The following MSH4 variants were observed in gnomAD, a reference collection of about 807,000 sequenced individuals.
The protein encoded by MSH4 is mutS protein homolog 4.
Under a neutral mutation model 113.7 loss-of-function variants are expected in MSH4, and 106 were observed. That is an observed-to-expected ratio of 0.93 (90% CI 0.80 to 1.10). MSH4 has a LOEUF of 1.10. Among genes scored for constraint, MSH4 ranks in the 50% least tolerant of loss-of-function variants. MSH4 has a pLI of 0.00. For missense variants in MSH4, 1,061 were observed against 1,093.7 expected (o/e 0.97, Z 0.42); for synonymous variants, 368 against 380.2 (o/e 0.97, Z 0.37).
In MSH4 at chr1:75,912,676, T is replaced by TATA. The variant is rs534222707; in HGVS notation, c.2620-20_2620-19insATA. ...GGTATTTGTGTATATATATATATAT[T>TATA]TTTTTTTTTTCAATGACAGCAAAAC... On this transcript the variant is annotated intron_variant, in intron 19 of 19. Coordinates refer to ENST00000263187, the MANE Select transcript of MSH4 (RefSeq NM_002440.4). 63 of 950,244 alleles carry TATA rather than the reference T, an allele frequency of 6.6e-5. No homozygotes were observed. Among genetic ancestry groups the TATA allele is most frequent in the East Asian group, 2.2e-4 (6 of 27,224 alleles). 58.9% of individuals were successfully genotyped at this position (950,244 alleles called of 1,614,324 possible). A position where few individuals can be genotyped will look rare whatever the true frequency, so the allele number is the denominator to read the frequency against.
chr1:75,854,009 G>GTA (rs1401266837), intron 8 of MSH4, among the ~76,000 whole-genome samples: 61 of 50,668 alleles, frequency 1.2e-3, no homozygotes, highest in African/African-American at 2.8e-3. Context: ...ATAAGTGTGT[G>GTA]TGTGTATATA....
rs1571005065 is a variant in MSH4 at position 75,909,398 on chromosome 1, C to T, written c.2620-3298C>T. Among the ~76,000 whole-genome samples, 3 of 151,848 alleles carry T rather than the reference C, an allele frequency of 2.0e-5. No individual in the cohort carries two copies. The South Asian group carries it at 6.3e-4, about 32-fold the overall frequency. On this transcript the variant is annotated intron_variant, in intron 19 of 19. Coordinates refer to ENST00000263187, the MANE Select transcript of MSH4 (RefSeq NM_002440.4). ...TGTTAATCTGTGCTCCAGATATTTG[C>T]TTTTGGTTCTCTGTGGGGAGAGCAA... is the stretch of plus-strand genomic sequence containing the variant.
intron 19 of MSH4, among the ~76,000 whole-genome samples, chr1:75,909,833 T>C (rs1652750124): frequency 6.6e-6 from 1 of 152,144 alleles, no homozygotes; most frequent in Non-Finnish European, 1.5e-5. Context: ...GTCATCTTGA[T>C]GAGTTCTTGA....
In MSH4 at chr1:75,822,585, A is replaced by C; in HGVS notation, c.1162+4A>C. 7.2e-7 allele frequency: 1 copy of C among 1,395,338 alleles called. No individual in the cohort carries two copies. Among genetic ancestry groups the C allele is most frequent in the Non-Finnish European group, 9.6e-7 (1 of 1,040,480 alleles). 86.4% of individuals were successfully genotyped at this position (1,395,338 alleles called of 1,614,324 possible). On this transcript the variant is annotated splice_donor_region_variant and intron_variant, in intron 7 of 19. Coordinates refer to ENST00000263187, the MANE Select transcript of MSH4 (RefSeq NM_002440.4). ...CTATTTTTTGGACTTCAATCAGGTA[A>C]ATCAATATTATTTAATATTATAAAT...
chr1:75,823,015 A>G (rs887773548), intron 7 of MSH4, among the ~76,000 whole-genome samples: 7 of 152,120 alleles, frequency 4.6e-5, no homozygotes, highest in African/African-American at 1.4e-4. Flanking sequence ...ACAGTTCTGG[A>G]AGCTAGAAAC....
At chr1:75,813,124 C>T (rs1410982819) in intron 4 of MSH4, among the ~76,000 whole-genome samples, 1 of 152,136 alleles carries the variant, frequency 6.6e-6, no homozygotes, top group African/African-American at 2.4e-5. Context: ...GCTTAGCTAA[C>T]CCAGAGGGAA....
At chr1:75,876,522 A>G (rs987748419) in intron 9 of MSH4, among the ~76,000 whole-genome samples, 2 of 152,104 alleles carry the variant, frequency 1.3e-5, no homozygotes, top group African/African-American at 2.4e-5. Context: ...TTTTTACTAT[A>G]TAAGAATTGA....
chr1:75,908,950 T>G (rs2100598804), intron 19 of MSH4, among the ~76,000 whole-genome samples: 1 of 152,330 alleles, frequency 6.6e-6, no homozygotes, highest in Middle Eastern at 3.4e-3. Context: ...CTGTGGCATC[T>G]GCTTCCTCTA....
intron 1 of MSH4, 74 bp from the exon 2 acceptor site, chr1:75,803,657 A>G: frequency 2.8e-6 from 3 of 1,075,022 alleles, no homozygotes; most frequent in Non-Finnish European, 3.8e-6. Flanking sequence ...TGAACATGGT[A>G]TAAATTATAA....
At chr1:75,900,848 C>T (rs1461025304) in intron 19 of MSH4, among the ~76,000 whole-genome samples, 3 of 152,134 alleles carry the variant, frequency 2.0e-5, no homozygotes, top group Non-Finnish European at 2.9e-5. Flanking sequence ...TATTACCTAA[C>T]TCTTTAGAGT....
At chr1:75,854,928 T>A (rs1258039891) in intron 8 of MSH4, among the ~76,000 whole-genome samples, 1 of 152,228 alleles carries the variant, frequency 6.6e-6, no homozygotes, top group Non-Finnish European at 1.5e-5. Flanking sequence ...TCTTAAATAC[T>A]TAACAGTTTT....
intron 4 of MSH4, among the ~76,000 whole-genome samples, chr1:75,813,979 T>C (rs1001965141): frequency 7.9e-5 from 12 of 152,280 alleles, no homozygotes; most frequent in African/African-American, 2.9e-4. Flanking sequence ...TTACTTGACT[T>C]TTCAGAATTT....
At chr1:75,873,227 T>C (rs1651751392) in intron 9 of MSH4, among the ~76,000 whole-genome samples, 3 of 152,282 alleles carry the variant, frequency 2.0e-5, no homozygotes, top group Admixed American at 2.0e-4. Context: ...TGGATGATGA[T>C]TGAAATATTT....
At chr1:75,832,853 G>A (rs1234533616) in intron 7 of MSH4, among the ~76,000 whole-genome samples, 1 of 152,216 alleles carries the variant, frequency 6.6e-6, no homozygotes, top group East Asian at 1.9e-4. Flanking sequence ...AAAACTGGAA[G>A]CATTCCCTTG....
intron 7 of MSH4, among the ~76,000 whole-genome samples, chr1:75,847,344 C>T (rs1334941967): frequency 6.6e-6 from 1 of 152,040 alleles, no homozygotes; most frequent in African/African-American, 2.4e-5. Context: ...ATGAGAACAG[C>T]TATTGTTTAG....
intron 7 of MSH4, among the ~76,000 whole-genome samples, chr1:75,839,526 G>T (rs1467984304): frequency 6.6e-6 from 1 of 152,128 alleles, no homozygotes; most frequent in Non-Finnish European, 1.5e-5. Flanking sequence ...TTAATGGTTT[G>T]TAATTTATCT....
chr1:75,912,937 A>G lies in MSH4; in HGVS notation c.*50A>G, dbSNP rs768856778. On this transcript the variant is annotated 3_prime_UTR_variant, in exon 20 of 20. Coordinates refer to ENST00000263187, the MANE Select transcript of MSH4 (RefSeq NM_002440.4). ...TCTTAATTCAAGGAACCTAGAATTT[A>G]TTTTTCTCCTTAGAGATAAGGAAAA... 1 of 1,201,866 alleles carries G rather than the reference A, an allele frequency of 8.3e-7. No homozygotes were observed. The highest frequency in any genetic ancestry group is 2.9e-5 in the East Asian group (1 of 33,936). The allele number at this position is 1,201,866 out of a possible 1,614,324, so 74.5% of individuals were successfully genotyped here.
chr1:75,886,523 T>C (rs1387530304), intron 15 of MSH4, among the ~76,000 whole-genome samples: 6 of 104,564 alleles, frequency 5.7e-5, no homozygotes, highest in African/African-American at 1.9e-4. Context: ...ATATATATGA[T>C]GTATTATATA....
In MSH4 at chr1:75,809,629, C is replaced by CTTTT. The variant is rs35082709; in HGVS notation, c.589-1050_589-1047dup. ...TACTGATTGTATTGCCATAGTTACC[C>CTTTT]TTTTTTTTTTTTTTTTTTTTTGAGA... On this transcript the variant is annotated intron_variant, in intron 3 of 19. Transcript: ENST00000263187. 5.8e-4 allele frequency among the ~76,000 whole-genome samples: 56 copies of CTTTT among 96,012 alleles called. No homozygotes were observed. The East Asian group carries it at 0.013, about 23-fold the overall frequency. The allele number at this position is 96,012 out of a possible 152,430, so 63.0% of individuals were successfully genotyped here.
Sources: allele counts gnomAD v4.1 joint callset (sites outside exome capture counted in the v4.1 genomes callset), GRCh38; gene constraint gnomAD v4.1.1; transcripts MANE v1.5; gene names NCBI Gene and HGNC (gene_info 2026-07-23, HGNC 2026-07-21).